TAF5L: variants seen among roughly 807,000 people sequenced by gnomAD.
TAF5L encodes the protein TAF5-like RNA polymerase II p300/CBP-associated factor-associated factor 65 kDa subunit 5L.
TAF5L carries 7 observed loss-of-function variants against 51.3 expected under a neutral mutation model. That is an observed-to-expected ratio of 0.14 (90% confidence interval 0.08 to 0.26). TAF5L has a LOEUF of 0.26. Among genes scored for constraint, TAF5L ranks in the 10% least tolerant of loss-of-function variants. The pLI is 1.00. For missense variants in TAF5L, 575 were observed against 758.9 expected, an observed-to-expected ratio of 0.76 and a Z score of 2.85; for synonymous variants, 291 against 308.1, an observed-to-expected ratio of 0.94 and a Z score of 0.58.
chr1:229,620,089 T>C (rs1210719629), intron 1 of TAF5L, among the ~76,000 whole-genome samples: 1 of 151,722 alleles, frequency 6.6e-6, no homozygotes, highest in Non-Finnish European at 1.5e-5. Context: ...GTTCTCTCTC[T>C]CCCTTACTTC....
chr1:229,597,840 C>T (rs959372288), intron 4 of TAF5L, among the ~76,000 whole-genome samples: 21 of 152,192 alleles, frequency 1.4e-4, no homozygotes, highest in African/African-American at 4.6e-4. Context: ...GCTGCCCCTG[C>T]TCTGGACTAT....
intron 2 of TAF5L, among the ~76,000 whole-genome samples, chr1:229,613,587 A>C (rs1358054844): frequency 6.6e-6 from 1 of 152,210 alleles, no homozygotes; most frequent in Non-Finnish European, 1.5e-5. Context: ...GGTGATATGT[A>C]GGCTGTATTA....
rs150230938 is a variant in TAF5L at position 229,602,333 on chromosome 1, G to C, written c.834C>G (p.Pro278=). 5.0e-6 allele frequency: 8 copies of C among 1,614,010 alleles called. No individual in the cohort carries two copies. The African/African-American group carries it at 8.0e-5, about 16-fold the overall frequency. ...ACCCAGCAGCAAGCAGCTTGCTATCGGGGGAGATTTCTGCAGTGTTCAACA... is the reference window on the plus strand; with the variant it reads ...ACCCAGCAGCAAGCAGCTTGCTATCCGGGGAGATTTCTGCAGTGTTCAACA... Residue 278 remains proline, a synonymous_variant, in exon 4 of 5, where the codon CCC becomes CCG. Transcript: ENST00000258281. The surrounding 1 kb of genome is among the most constrained non-coding windows in gnomAD (Gnocchi z 4.6).
chr1:229,597,620 C>T (rs1664175865), intron 4 of TAF5L, among the ~76,000 whole-genome samples: 1 of 152,182 alleles, frequency 6.6e-6, no homozygotes, highest in South Asian at 2.1e-4. Context: ...CTCCTGCCGA[C>T]AGGATAATAC....
At chr1:229,598,821 C>A (rs372072580) in intron 4 of TAF5L, among the ~76,000 whole-genome samples, 3 of 151,806 alleles carry the variant, frequency 2.0e-5, no homozygotes, top group African/African-American at 4.8e-5. Flanking sequence ...GCCTCAGCCT[C>A]CTGAGTTGCT....
chr1:229,603,470 C>G (rs1360772180), intron 3 of TAF5L, among the ~76,000 whole-genome samples: 2 of 152,152 alleles, frequency 1.3e-5, no homozygotes, highest in East Asian at 3.9e-4. Flanking sequence ...TTTTGGCATC[C>G]ATTGTCTCAA....
chr1:229,609,624 T>G lies in TAF5L; in HGVS notation c.247+482A>C, dbSNP rs537174626. Among the ~76,000 whole-genome samples, 123 of 152,354 alleles carry G rather than the reference T, an allele frequency of 8.1e-4. 1 individual carries two copies. The highest frequency in any genetic ancestry group is 3.4e-3 in the Middle Eastern group (1 of 294). ...TTTGCCTGTTCATTCATAAGGACTA[T>G]TTACTTGCACTTTTGGAAATACGGG... On this transcript the variant is annotated intron_variant, in intron 3 of 4. Coordinates refer to ENST00000258281, the Ensembl canonical transcript of TAF5L.
rs776121874 is a variant in TAF5L at position 229,602,373 on chromosome 1, T to C, written c.794A>G (p.Tyr265Cys). 7.4e-6 allele frequency: 12 copies of C among 1,614,042 alleles called. No homozygotes were observed. Among genetic ancestry groups the C allele is most frequent in the East Asian group, 2.2e-5 (1 of 44,902 alleles). The change falls in exon 4 of 5, where the codon TAT becomes TGT. Residue 265 changes from tyrosine to cysteine, a missense_variant. Coordinates refer to ENST00000258281, the Ensembl canonical transcript of TAF5L. This position sits in a 1 kb window ranked among gnomAD's most constrained non-coding sequence, Gnocchi z 4.6. Reference sequence around the variant, plus strand: ...AGTGTTCAACAGCTGCTCTGTGTTATAGAAGGCATAGAAGCAGATGGTAGT... The same window carrying C: ...AGTGTTCAACAGCTGCTCTGTGTTACAGAAGGCATAGAAGCAGATGGTAGT...
At chr1:229,598,588 A>G (rs1013466763) in intron 4 of TAF5L, among the ~76,000 whole-genome samples, 35 of 152,218 alleles carry the variant, frequency 2.3e-4, no homozygotes, top group African/African-American at 8.4e-4. Context: ...CTGAAAAGAA[A>G]GAAGAGCAAA....
In TAF5L at chr1:229,625,722, C is replaced by T. The variant is rs1665429684; in HGVS notation, c.-4+163G>A. Among the ~76,000 whole-genome samples the T allele has an allele frequency of 6.9e-6, 1 of 145,318 alleles. No individual in the cohort carries two copies. Among genetic ancestry groups the T allele is most frequent in the Non-Finnish European group, 1.5e-5 (1 of 65,456 alleles). On this transcript the variant is annotated intron_variant, in intron 1 of 4. Coordinates refer to ENST00000258281, the Ensembl canonical transcript of TAF5L. The surrounding 1 kb of genome is among the most constrained non-coding windows in gnomAD (Gnocchi z 4.0). ...GGCCGTCGCGCCCGCGCAGAGCCGC[C>T]CGCCGCCCCCCAGCCCCGCCTCCCG...
At chr1:229,595,650 C>T (rs1327090630) in intron 4 of TAF5L, among the ~76,000 whole-genome samples, 1 of 152,088 alleles carries the variant, frequency 6.6e-6, no homozygotes, top group Non-Finnish European at 1.5e-5. Context: ...CACATGAAGG[C>T]AGATGTGGTA....
chr1:229,606,924 A>G lies in TAF5L; in HGVS notation c.247+3182T>C, dbSNP rs960072942. The G allele has an allele frequency of 8.1e-6, 8 of 985,246 alleles. No individual in the cohort carries two copies. In the African/African-American group the frequency reaches 8.7e-5, roughly 11 times the overall value. The allele number at this position is 985,246 out of a possible 1,614,324, so 61.0% of individuals were successfully genotyped here. A position where few individuals can be genotyped will look rare whatever the true frequency, so the allele number is the denominator to read the frequency against. ...GGTGGATATAGACATAGATACTCTT[A>G]TATCTTTCCCTAGTATCTTCCTTTG... On this transcript the variant is annotated intron_variant, in intron 3 of 4. Coordinates refer to ENST00000258281, the Ensembl canonical transcript of TAF5L.
Position 229,606,303 on chromosome 1 carries a change from A to G in TAF5L, c.248-3384T>C, listed in dbSNP as rs1418164299. Reference sequence around the variant, plus strand: ...ATCTAACATACTCTGTATTTTACTGAAAGTGTACTCACTTAAAATATATTT... The same window carrying G: ...ATCTAACATACTCTGTATTTTACTGGAAGTGTACTCACTTAAAATATATTT... On this transcript the variant is annotated intron_variant, in intron 3 of 4. Coordinates refer to ENST00000258281, the Ensembl canonical transcript of TAF5L. 4 of 826,274 alleles carry G rather than the reference A, an allele frequency of 4.8e-6. No homozygotes were observed. The East Asian group carries it at 5.0e-4, about 103-fold the overall frequency. 51.2% of individuals were successfully genotyped at this position (826,274 alleles called of 1,614,324 possible).
At chr1:229,614,589 C>A in intron 1 of TAF5L, 104 bp from the exon 2 acceptor site, 1 of 1,460,356 alleles carries the variant, frequency 6.8e-7, no homozygotes, top group Non-Finnish European at 9.3e-7. Flanking sequence ...GAGAGAAAGA[C>A]CAGCCATGTG....
Position 229,602,676 on chromosome 1 carries a change from A to G in TAF5L, c.491T>C (p.Val164Ala). The G allele has an allele frequency of 6.2e-7, 1 of 1,614,114 alleles. No homozygotes were observed. The highest frequency in any genetic ancestry group is 1.1e-5 in the South Asian group (1 of 91,080). Reference sequence around the variant, plus strand: ...GTAGCTGTCTTCTTGGAGACGGACCACGTACTTGTTATCTAGGAATGCTCG... The same window carrying G: ...GTAGCTGTCTTCTTGGAGACGGACCGCGTACTTGTTATCTAGGAATGCTCG... Residue 164 changes from valine to alanine, a missense_variant, in exon 4 of 5, where the codon GTG becomes GCG. This residue lies in a region of TAF5L where 380 missense variants were observed against 443.7 expected (regional missense o/e 0.86). Coordinates refer to ENST00000258281, the Ensembl canonical transcript of TAF5L. This position sits in a 1 kb window ranked among gnomAD's most constrained non-coding sequence, Gnocchi z 4.6.
In TAF5L at chr1:229,598,781, C is replaced by T. The variant is rs184037654; in HGVS notation, c.972+3414G>A. Among the ~76,000 whole-genome samples, 71 of 151,644 alleles carry T rather than the reference C, an allele frequency of 4.7e-4. 1 individual carries two copies. The East Asian group carries it at 0.01, about 22-fold the overall frequency. ...TGGCGCGGTCTCAGCTCACTGCAAC[C>T]CCTGCTGCCTGGGTTCAAGTGATTC... On this transcript the variant is annotated intron_variant, in intron 4 of 4. Transcript: ENST00000258281.
intron 1 of TAF5L, among the ~76,000 whole-genome samples, chr1:229,617,212 C>T (rs1006356430): frequency 2.0e-5 from 3 of 152,140 alleles, no homozygotes; most frequent in Non-Finnish European, 2.9e-5. Flanking sequence ...ACATAAGAAT[C>T]CCATGAGTGT....
chr1:229,600,260 C>G, intron 4 of TAF5L: 2 of 985,230 alleles, frequency 2.0e-6, no homozygotes, highest in Non-Finnish European at 2.4e-6. Flanking sequence ...GGCGGGCATG[C>G]AGGAAGCCCC....
chr1:229,606,461 T>A (rs1571840945), intron 3 of TAF5L: 1 of 984,762 alleles, frequency 1.0e-6, no homozygotes, highest in East Asian at 1.1e-4. Flanking sequence ...AACAATGGAG[T>A]TTTTCATGAG....
Sources: allele counts gnomAD v4.1 joint callset (sites outside exome capture counted in the v4.1 genomes callset), GRCh38; gene constraint gnomAD v4.1.1; regional missense constraint gnomAD v4.1.1; non-coding constraint Gnocchi (gnomAD v3.1); transcripts MANE v1.5; gene names NCBI Gene and HGNC (gene_info 2026-07-23, HGNC 2026-07-21).